Variants in TAGLN2 observed in about 807,000 individuals in gnomAD.
TAGLN2 encodes the protein transgelin-2.
In TAGLN2, 14 loss-of-function variants were observed where a neutral mutation model predicts 24.9. The ratio of observed to expected loss-of-function variants is 0.56; its 90% CI spans 0.37 to 0.88. The LOEUF is 0.88. Ranked by LOEUF, TAGLN2 falls within the 40% of genes least tolerant of loss-of-function variation. The probability of loss-of-function intolerance (pLI) is 0.00; values close to 1 mark genes in which losing one functional copy is unlikely to be tolerated. For synonymous variants in TAGLN2, 77 were observed against 98.2 expected, an observed-to-expected ratio of 0.78 and a Z score of 1.28; for missense variants, 208 against 258.9, an observed-to-expected ratio of 0.80 and a Z score of 1.35.
intron 1 of TAGLN2, among the ~76,000 whole-genome samples, chr1:159,921,575 G>T (rs1272621913): frequency 6.6e-6 from 1 of 152,232 alleles, no homozygotes; most frequent in Non-Finnish European, 1.5e-5. Flanking sequence ...CTGTATTTGT[G>T]TTGCTTTAAA....
chr1:159,920,769 C>G (rs191589006), intron 1 of TAGLN2, among the ~76,000 whole-genome samples: 1 of 152,200 alleles, frequency 6.6e-6, no homozygotes, highest in African/African-American at 2.4e-5. Context: ...TGGATCTACC[C>G]TCCCTCAACC....
Position 159,918,831 on chromosome 1 carries a change from G to GTCATGCC in TAGLN2, c.562_568dup (p.Thr190ArgfsTer31), listed in dbSNP as rs760311233. The GTCATGCC allele has an allele frequency of 6.2e-7, 1 of 1,614,240 alleles. No individual in the cohort carries two copies. Among genetic ancestry groups the GTCATGCC allele is most frequent in the East Asian group, 2.2e-5 (1 of 44,892 alleles). ...GATCTGGCGTGGCATCCCGTAGCCA[G>GTCATGCC]TCATGCCTGCCTGAGACGCCCCGCG... On this transcript the variant is annotated frameshift_variant, in exon 5 of 5. Coordinates refer to ENST00000368097, the MANE Select transcript of TAGLN2 (RefSeq NM_003564.3). LOFTEE classifies it high-confidence loss of function.
intron 1 of TAGLN2, chr1:159,923,692 C>CTTTGTTAATG: frequency 2.2e-6 from 1 of 463,116 alleles, no homozygotes; most frequent in Non-Finnish European, 3.8e-6. Context: ...TTAAGGGAAC[C>CTTTGTTAATG]ACCGTAGGGC....
intron 1 of TAGLN2, chr1:159,923,745 G>C (rs1454169507): frequency 1.3e-5 from 5 of 390,244 alleles, no homozygotes; most frequent in African/African-American, 1.0e-4. Flanking sequence ...AGAAAGCTGA[G>C]GCTACACAAA....
intron 1 of TAGLN2, among the ~76,000 whole-genome samples, chr1:159,921,392 G>A (rs766279390): frequency 3.3e-5 from 5 of 152,146 alleles, no homozygotes; most frequent in Non-Finnish European, 7.3e-5. Flanking sequence ...CAACAAAATG[G>A]AAGTAGAAGT....
In TAGLN2 at chr1:159,918,753, A is replaced by C; in HGVS notation, c.*47T>G. ...TCACTGCTAAAATATATATCTACAT[A>C]TATATTAACCATTCGTGGGAGGGCA... On this transcript the variant is annotated 3_prime_UTR_variant, in exon 5 of 5. Coordinates refer to ENST00000368097, the MANE Select transcript of TAGLN2 (RefSeq NM_003564.3). The C allele has an allele frequency of 6.3e-7, 1 of 1,595,492 alleles. No individual in the cohort carries two copies. The highest frequency in any genetic ancestry group is 1.1e-5 in the South Asian group (1 of 88,544).
At chr1:159,923,670 G>A (rs900263324) in intron 1 of TAGLN2, 9 of 488,656 alleles carry the variant, frequency 1.8e-5, no homozygotes, top group Non-Finnish European at 3.2e-5. Context: ...AAGGATGGGG[G>A]GCGGCCCACA....
rs766236581 is a variant in TAGLN2 at position 159,919,799 on chromosome 1, C to G, written c.217G>C (p.Gly73Arg). 25 of 1,614,036 alleles carry G rather than the reference C, an allele frequency of 1.5e-5. No homozygotes were observed. In the East Asian group the frequency reaches 5.3e-4, roughly 35 times the overall value. The change falls in exon 3 of 5, where the codon GGG (glycine) becomes CGG (arginine). Residue 73 changes from glycine (G) to arginine (R), a missense_variant. Gly to Arg is a moderately radical substitution (Grantham distance 125). Coordinates refer to ENST00000368097, the MANE Select transcript of TAGLN2 (RefSeq NM_003564.3). ...TGGATCTTCTTTACTGGGGCCTGCC[C>G]CTCGGGGTACAGTGCATTAATGAGC... ...CELINALYPEGQAPVKKIQAS... is the reference protein window; with the variant it reads ...CELINALYPERQAPVKKIQAS...
In TAGLN2 at chr1:159,919,830, T is replaced by C. The variant is rs1377762534; in HGVS notation, c.186A>G (p.Leu62=). 6 of 1,613,712 alleles carry C rather than the reference T, an allele frequency of 3.7e-6. No individual in the cohort carries two copies. The highest frequency in any genetic ancestry group is 1.7e-6 in the Non-Finnish European group (2 of 1,179,712). ...GGTACAGTGCATTAATGAGCTCACATAGCACCTGGATGAGGACAGCAGGGG... is the reference window on the plus strand; with the variant it reads ...GGTACAGTGCATTAATGAGCTCACACAGCACCTGGATGAGGACAGCAGGGG... ...FQNWLKDGTV[L]CELINALYPE... is the part of the protein sequence containing the mutation. Residue 62 remains leucine, a synonymous_variant, in exon 3 of 5, where the codon CTA becomes CTG. Transcript: ENST00000368097.
At chr1:159,919,137 G>A (rs926192200) in intron 4 of TAGLN2, 137 bp downstream of exon 4, 2 of 1,220,318 alleles carry the variant, frequency 1.6e-6, no homozygotes, top group South Asian at 2.7e-5. Flanking sequence ...GTGTTGTGAG[G>A]ATTAAGTGAG....
Position 159,918,660 on chromosome 1 carries a change from G to A in TAGLN2, c.*140C>T, listed in dbSNP as rs1165397920. On this transcript the variant is annotated 3_prime_UTR_variant, in exon 5 of 5. Coordinates refer to ENST00000368097, the MANE Select transcript of TAGLN2 (RefSeq NM_003564.3). ...GGATGCCAGCAGGCACCTCAGAGGTGACAGGACAGGCTGAACCCCCCACCC... is the reference window on the plus strand; with the variant it reads ...GGATGCCAGCAGGCACCTCAGAGGTAACAGGACAGGCTGAACCCCCCACCC... 1 of 1,216,936 alleles carries A rather than the reference G, an allele frequency of 8.2e-7. No homozygotes were observed. Among genetic ancestry groups the A allele is most frequent in the Admixed American group, 2.2e-5 (1 of 44,916 alleles). 75.4% of individuals were successfully genotyped at this position (1,216,936 alleles called of 1,614,324 possible). A position where few individuals can be genotyped will look rare whatever the true frequency, so the allele number is the denominator to read the frequency against.
Position 159,919,845 on chromosome 1 carries a change from G to C in TAGLN2, c.181-10C>G. On this transcript the variant is annotated splice_polypyrimidine_tract_variant and intron_variant, in intron 2 of 4. Transcript: ENST00000368097. The stretch of plus-strand genomic sequence containing the variant: ...TGAGCTCACATAGCACCTGGATGAG[G>C]ACAGCAGGGGTGGAAAGGTGAGAAT... 6.2e-7 allele frequency: 1 copy of C among 1,611,554 alleles called. No individual in the cohort carries two copies. Among genetic ancestry groups the C allele is most frequent in the Non-Finnish European group, 8.5e-7 (1 of 1,177,946 alleles).
chr1:159,918,636 G>A lies in TAGLN2; in HGVS notation c.*164C>T. 1.1e-6 allele frequency: 1 copy of A among 922,582 alleles called. No homozygotes were observed. The highest frequency in any genetic ancestry group is 1.7e-5 in the South Asian group (1 of 60,008). The allele number at this position is 922,582 out of a possible 1,614,324, so 57.1% of individuals were successfully genotyped here. A position where few individuals can be genotyped will look rare whatever the true frequency, so the allele number is the denominator to read the frequency against. On this transcript the variant is annotated 3_prime_UTR_variant, in exon 5 of 5. Transcript: ENST00000368097. The stretch of plus-strand genomic sequence containing the variant: ...ATGTATTAGTAAGCATGGGGGAGAG[G>A]ATGCCAGCAGGCACCTCAGAGGTGA...
intron 1 of TAGLN2, among the ~76,000 whole-genome samples, chr1:159,921,983 G>C (rs1014912931): frequency 2.0e-5 from 3 of 152,252 alleles, no homozygotes; most frequent in Admixed American, 2.0e-4. Context: ...GCTCACGAAA[G>C]GGGACCCCCA....
intron 1 of TAGLN2, chr1:159,923,293 C>T: frequency 1.1e-6 from 1 of 911,944 alleles, no homozygotes; most frequent in Non-Finnish European, 1.6e-6. Flanking sequence ...GGGGGATGGA[C>T]TGGCAGGGAG....
Position 159,918,737 on chromosome 1 carries a change from A to G in TAGLN2, c.*63T>C. The G allele has an allele frequency of 6.4e-7, 1 of 1,560,292 alleles. No individual in the cohort carries two copies. Among genetic ancestry groups the G allele is most frequent in the Non-Finnish European group, 8.7e-7 (1 of 1,148,970 alleles). On this transcript the variant is annotated 3_prime_UTR_variant, in exon 5 of 5. Coordinates refer to ENST00000368097, the MANE Select transcript of TAGLN2 (RefSeq NM_003564.3). ...GGGCTCTCTGGGAATGTCACTGCTA[A>G]AATATATATCTACATATATATTAAC... is the stretch of plus-strand genomic sequence containing the variant.
At chr1:159,919,240 T>C in intron 4 of TAGLN2, 34 bp downstream of exon 4, 2 of 1,592,088 alleles carry the variant, frequency 1.3e-6, no homozygotes, top group Non-Finnish European at 1.7e-6. Flanking sequence ...ACAATGCACC[T>C]GCTGGACCCT....
In TAGLN2 at chr1:159,919,649, G is replaced by A. The variant is rs370120354; in HGVS notation, c.355+12C>T. ...CCTGGATGACAGGACCCAGCCCCTC[G>A]CCCTGTCCCACCTTCCCAGAGGTCC... On this transcript the variant is annotated intron_variant, in intron 3 of 4. Transcript: ENST00000368097. 49 of 1,610,878 alleles carry A rather than the reference G, an allele frequency of 3.0e-5. No homozygotes were observed. Among genetic ancestry groups the A allele is most frequent in the Admixed American group, 2.8e-4 (17 of 59,984 alleles).
In TAGLN2 at chr1:159,918,261, C is replaced by CA. The variant is rs2101863956; in HGVS notation, c.*538dup. 1 of 152,574 alleles carries CA rather than the reference C, an allele frequency of 6.6e-6. No homozygotes were observed. The highest frequency in any genetic ancestry group is 1.9e-4 in the East Asian group (1 of 5,182). The allele number at this position is 152,574 out of a possible 1,614,324, so 9.5% of individuals were successfully genotyped here. On this transcript the variant is annotated 3_prime_UTR_variant, in exon 5 of 5. Transcript: ENST00000368097. Reference sequence around the variant, plus strand: ...AATGAGAAGCCACGAGGGCCCCTGCCAGGGAAGGCTGCCCCAGATGTGTGG... The same window carrying CA: ...AATGAGAAGCCACGAGGGCCCCTGCCAAGGGAAGGCTGCCCCAGATGTGTGG...
Sources: gnomAD v4.1 joint callset for allele counts (sites outside exome capture counted in the v4.1 genomes callset) on GRCh38, gnomAD v4.1.1 for gene constraint, MANE v1.5 for transcripts, NCBI Gene and HGNC (gene_info 2026-07-23, HGNC 2026-07-21) for gene names.